Variants in PLD1 observed in about 807,000 individuals in gnomAD.
PLD1 encodes choline phosphatase 1.
A neutral mutation model predicts 137.1 loss-of-function variants in PLD1; 112 were observed. The observed-to-expected ratio is 0.82, with a 90% confidence interval of 0.70 to 0.96. The LOEUF (loss-of-function observed/expected upper bound fraction) is 0.96, where lower values mean the gene tolerates loss of function less well. PLD1 is among the 40% of genes least tolerant of loss of function. PLD1 has a pLI of 0.00. For synonymous variants in PLD1, 431 were observed against 454.7 expected (o/e 0.95, Z 0.66); for missense variants, 1,321 against 1,342.0 (o/e 0.98, Z 0.24).
At chr3:171,699,986 G>A (rs1337542525) in intron 11 of PLD1, among the ~76,000 whole-genome samples, 160 bp from the exon 12 acceptor site, 7 of 151,988 alleles carry the variant, frequency 4.6e-5, no homozygotes, top group South Asian at 4.1e-4. Flanking sequence ...GAACAACTTC[G>A]TATGGGAAAA....
chr3:171,661,284 T>C (rs1711506896), intron 20 of PLD1, among the ~76,000 whole-genome samples: 1 of 152,056 alleles, frequency 6.6e-6, no homozygotes, highest in Admixed American at 6.5e-5. Flanking sequence ...GCTAGAATGG[T>C]TTTCCTCAGT....
intron 21 of PLD1, among the ~76,000 whole-genome samples, chr3:171,657,316 C>T (rs764926451): frequency 3.9e-5 from 6 of 152,044 alleles, no homozygotes; most frequent in Non-Finnish European, 5.9e-5. Context: ...TATAAAAGTC[C>T]CCAAATATTA....
Position 171,734,159 on chromosome 3 carries a change from T to C in PLD1, c.541-650A>G, listed in dbSNP as rs1224501081. Reference sequence around the variant, plus strand: ...TAAACCAAAACTATATAATTTTATATGTCTAGGTATCTTGGAAAATATTTG... The same window carrying C: ...TAAACCAAAACTATATAATTTTATACGTCTAGGTATCTTGGAAAATATTTG... On this transcript the variant is annotated intron_variant, in intron 5 of 26. Transcript: ENST00000351298. 3.9e-5 allele frequency among the ~76,000 whole-genome samples: 6 copies of C among 152,370 alleles called. No individual in the cohort carries two copies. In the East Asian group the frequency reaches 1.2e-3, roughly 29 times the overall value.
chr3:171,694,711 A>T (rs1031130342), intron 12 of PLD1, among the ~76,000 whole-genome samples: 1 of 152,154 alleles, frequency 6.6e-6, no homozygotes, highest in African/African-American at 2.4e-5. Context: ...AGACATTATT[A>T]CTCATGAAGA....
chr3:171,706,396 A>G (rs1716699496), intron 11 of PLD1, among the ~76,000 whole-genome samples: 1 of 152,108 alleles, frequency 6.6e-6, no homozygotes, highest in Admixed American at 6.6e-5. Context: ...ATTTAAAACC[A>G]ACTTAAATAC....
At chr3:171,677,853 G>A (rs936283870) in intron 16 of PLD1, 159 bp from the exon 17 acceptor site, 13 of 600,496 alleles carry the variant, frequency 2.2e-5, no homozygotes, top group Non-Finnish European at 3.6e-5. Flanking sequence ...GGGCTAACAA[G>A]GTTTTACAGT....
At chr3:171,733,620 A>T (rs1208982344) in intron 5 of PLD1, 111 bp from the exon 6 acceptor site, 4 of 537,822 alleles carry the variant, frequency 7.4e-6, no homozygotes, top group Non-Finnish European at 1.3e-5. Flanking sequence ...TCTACAAGTT[A>T]TTCAATTATT....
chr3:171,729,645 G>A (rs1718787205), intron 6 of PLD1, among the ~76,000 whole-genome samples: 1 of 152,212 alleles, frequency 6.6e-6, no homozygotes, highest in East Asian at 1.9e-4. Context: ...AGGGAACAAA[G>A]AGGACATCTA....
chr3:171,605,965 A>G (rs1732169116), intron 25 of PLD1, among the ~76,000 whole-genome samples: 1 of 152,184 alleles, frequency 6.6e-6, no homozygotes, highest in Non-Finnish European at 1.5e-5. Context: ...GAGTGTAGAC[A>G]TCAGTGCAGA....
At position 171,710,428 on chromosome 3, in the gene PLD1, G is replaced by A. The variant is rs574099142; in HGVS notation, c.912-719C>T. On this transcript the variant is annotated intron_variant, in intron 9 of 26. Coordinates refer to ENST00000351298, the MANE Select transcript of PLD1 (RefSeq NM_002662.5). ...TGGGGAGTAGTTTCGAGATGAAACC[G>A]TTCCACCTCAGGCCATCAGGAAGTG... Among the ~76,000 whole-genome samples the A allele has an allele frequency of 2.6e-5, 4 of 152,244 alleles. No individual in the cohort carries two copies. The East Asian group carries it at 5.8e-4, about 22-fold the overall frequency.
intron 13 of PLD1, among the ~76,000 whole-genome samples, chr3:171,690,769 G>T (rs1186394751): frequency 1.3e-5 from 2 of 152,148 alleles, no homozygotes; most frequent in Non-Finnish European, 2.9e-5. Flanking sequence ...CCTGGAAAAT[G>T]CCCCAAGTGC....
chr3:171,609,565 C>G (rs1328123370), intron 25 of PLD1, among the ~76,000 whole-genome samples: 1 of 147,258 alleles, frequency 6.8e-6, no homozygotes, highest in Non-Finnish European at 1.5e-5. Context: ...CCAGAGAAAA[C>G]TACTCAGCCA....
intron 21 of PLD1, among the ~76,000 whole-genome samples, chr3:171,656,334 C>A (rs1301186462): frequency 1.3e-5 from 2 of 152,032 alleles, no homozygotes; most frequent in Non-Finnish European, 2.9e-5. Flanking sequence ...CCAAGCCCAG[C>A]TAATTTTTGT....
chr3:171,609,679 T>C (rs990877238), intron 25 of PLD1, among the ~76,000 whole-genome samples: 8 of 152,130 alleles, frequency 5.3e-5, no homozygotes, highest in African/African-American at 1.9e-4. Context: ...TTCTCACTTA[T>C]AAGTGGGAGC....
chr3:171,728,775 A>G (rs1488850952), intron 6 of PLD1, among the ~76,000 whole-genome samples: 2 of 152,234 alleles, frequency 1.3e-5, no homozygotes, highest in Admixed American at 1.3e-4. Context: ...GTATATCATA[A>G]CAAAATTGCT....
At chr3:171,603,382 C>A in intron 26 of PLD1, 80 bp from the exon 27 acceptor site, 1 of 891,206 alleles carries the variant, frequency 1.1e-6, no homozygotes. Context: ...ATTATTCCAA[C>A]AGACAAGACC....
chr3:171,689,302 A>G (rs988767547), intron 13 of PLD1, among the ~76,000 whole-genome samples: 2 of 152,228 alleles, frequency 1.3e-5, no homozygotes, highest in East Asian at 1.9e-4. Context: ...CATTGAATTG[A>G]AATATTAAGC....
At chr3:171,696,792 A>C (rs1339325993) in intron 12 of PLD1, among the ~76,000 whole-genome samples, 1 of 152,226 alleles carries the variant, frequency 6.6e-6, no homozygotes, top group Non-Finnish European at 1.5e-5. Flanking sequence ...TAAATGTACC[A>C]CCAAGAAATC....
At chr3:171,699,034 T>C (rs1716015294) in intron 12 of PLD1, among the ~76,000 whole-genome samples, 1 of 151,296 alleles carries the variant, frequency 6.6e-6, no homozygotes, top group Non-Finnish European at 1.5e-5. Flanking sequence ...AGTTAGCACT[T>C]CCTAATTTGG....
Sources: allele counts gnomAD v4.1 joint callset (sites outside exome capture counted in the v4.1 genomes callset), GRCh38; gene constraint gnomAD v4.1.1; transcripts MANE v1.5; gene names NCBI Gene and HGNC (gene_info 2026-07-23, HGNC 2026-07-21).